Variants in UNKL observed in about 807,000 individuals in gnomAD.
UNKL encodes unk like zinc finger, also known as putative E3 ubiquitin-protein ligase UNKL.
A neutral mutation model predicts 78.0 loss-of-function variants in UNKL; 60 were observed. The ratio of observed to expected loss-of-function variants is 0.77; its 90% CI spans 0.63 to 0.95. UNKL has a LOEUF of 0.95. UNKL is among the 40% of genes least tolerant of loss of function. The probability of loss-of-function intolerance (pLI) is 0.00; values close to 1 mark genes in which losing one functional copy is unlikely to be tolerated. For missense variants in UNKL, 1,159 were observed against 1,045.7 expected (o/e 1.11, Z -1.49); for synonymous variants, 608 against 474.8 (o/e 1.28, Z -3.65).
rs754854634 is a variant in UNKL, at chr16:1,371,502, G to A, written c.1357+17C>T. On this transcript the variant is annotated intron_variant, in intron 11 of 14. Coordinates refer to ENST00000389221, the MANE Select transcript of UNKL (RefSeq NM_001372107.1). Reference sequence around the variant, plus strand: ...AGCGGCTGGAGGAGCAGGGCCCCAGGTCCTCCCCACCCTCACCTGCTGCTC... The same window carrying A: ...AGCGGCTGGAGGAGCAGGGCCCCAGATCCTCCCCACCCTCACCTGCTGCTC... 6 of 1,535,564 alleles carry A rather than the reference G, an allele frequency of 3.9e-6. No homozygotes were observed. Among genetic ancestry groups the A allele is most frequent in the South Asian group, 3.6e-5 (3 of 84,044 alleles).
chr16:1,371,715 A>G, intron 10 of UNKL, 104 bp from the exon 11 acceptor site: 1 of 1,196,772 alleles, frequency 8.4e-7, no homozygotes, highest in Non-Finnish European at 1.2e-6. Flanking sequence ...GAGTGAGACC[A>G]AGGGCAGAAG....
Position 1,401,619 on chromosome 16 carries a change from C to T in UNKL, c.547G>A (p.Ala183Thr). The change falls in exon 4 of 15, where the codon GCC becomes ACC. Residue 183 changes from alanine to threonine, a missense_variant. Ala to Thr is a moderately conservative substitution (Grantham distance 58). Coordinates refer to ENST00000389221, the MANE Select transcript of UNKL (RefSeq NM_001372107.1). ...ATCTTCTCAATCATGGCCTGGCTGG[C>T]CAAGACCCCAGGCTGCAGATCCGGG... ...GVPDLQPGVL[A>T]SQAMIEKILS... 1.9e-6 allele frequency: 3 copies of T among 1,609,310 alleles called. No individual in the cohort carries two copies. The highest frequency in any genetic ancestry group is 1.7e-6 in the Non-Finnish European group (2 of 1,178,006).
chr16:1,383,730 C>T (rs557724233), intron 10 of UNKL: 12 of 401,026 alleles, frequency 3.0e-5, no homozygotes, highest in African/African-American at 1.6e-4. Context: ...CGGGTCTGGC[C>T]GCCGGGCCGC....
intron 14 of UNKL, among the ~76,000 whole-genome samples, chr16:1,366,871 G>C (rs2035304529): frequency 6.6e-6 from 1 of 152,210 alleles, no homozygotes. Context: ...GGGGTGAAAG[G>C]GCAAGGGCCA....
At chr16:1,401,232 G>A (rs1232467307) in intron 4 of UNKL, 2 of 220,610 alleles carry the variant, frequency 9.1e-6, no homozygotes, top group Non-Finnish European at 1.8e-5. Flanking sequence ...CCTGGTGGGT[G>A]CCTGGTGGGC....
chr16:1,398,679 G>GCCCCCCCC, intron 5 of UNKL: 12 of 1,356,206 alleles, frequency 8.8e-6, no homozygotes, highest in South Asian at 1.4e-5. Context: ...TGTGGGGTCT[G>GCCCCCCCC]CACCCCCCCA....
In UNKL at chr16:1,367,730, G is replaced by A. The variant is rs1053474143; in HGVS notation, c.1714C>T (p.Arg572Trp). Residue 572 changes from arginine (R) to tryptophan (W), a missense_variant, in exon 13 of 15, where the codon CGG (arginine) becomes TGG (tryptophan). Transcript: ENST00000389221. ...SASPNGAELA[R>W]VRRQLDEAKR... is the part of the protein sequence containing the mutation. The stretch of plus-strand genomic sequence containing the variant: ...GCCTCGTCCAGCTGCCGCCTGACCC[G>A]GGCCAGCTCAGCTCCGTTTGGACTT... The A allele has an allele frequency of 4.4e-6, 7 of 1,579,044 alleles. No homozygotes were observed. The highest frequency in any genetic ancestry group is 2.3e-5 in the East Asian group (1 of 42,944).
rs1439642279 is a variant in UNKL, at chr16:1,363,288, T to TA, written c.*2951dup. 8 of 601,036 alleles carry TA rather than the reference T, an allele frequency of 1.3e-5. No individual in the cohort carries two copies. Among genetic ancestry groups the TA allele is most frequent in the East Asian group, 1.2e-4 (4 of 34,478 alleles). The allele number at this position is 601,036 out of a possible 1,614,324, so 37.2% of individuals were successfully genotyped here. A position where few individuals can be genotyped will look rare whatever the true frequency, so the allele number is the denominator to read the frequency against. Reference sequence around the variant, plus strand: ...AAACCATTGCATAAATGCTATAGTGTAAAAAAATTTAAACAAGTGTTAACT... The same window carrying TA: ...AAACCATTGCATAAATGCTATAGTGTAAAAAAAATTTAAACAAGTGTTAACT... On this transcript the variant is annotated 3_prime_UTR_variant, in exon 15 of 15. Transcript: ENST00000389221.
intron 12 of UNKL, among the ~76,000 whole-genome samples, chr16:1,368,470 C>T (rs923381132): frequency 2.6e-5 from 4 of 151,830 alleles, no homozygotes; most frequent in Non-Finnish European, 4.4e-5. Context: ...GGCGTGGTGG[C>T]GGGCGCCTGT....
chr16:1,378,396 G>A (rs868623049), intron 10 of UNKL, among the ~76,000 whole-genome samples: 8 of 152,316 alleles, frequency 5.3e-5, no homozygotes, highest in Middle Eastern at 3.4e-3. Context: ...CCCCTTCAGA[G>A]CTCACCGCCC....
At chr16:1,375,721 G>T (rs553847146) in intron 10 of UNKL, among the ~76,000 whole-genome samples, 102 of 152,318 alleles carry the variant, frequency 6.7e-4, no homozygotes, top group Non-Finnish European at 1.3e-3. Flanking sequence ...AGTAGCATCC[G>T]AAAATGCCTC....
chr16:1,370,061 G>A, intron 12 of UNKL, 69 bp downstream of exon 12: 1 of 1,549,662 alleles, frequency 6.5e-7, no homozygotes, highest in South Asian at 1.2e-5. Context: ...CCTCAGTCAG[G>A]ACGGCATCTG....
At chr16:1,369,058 T>G (rs1283539610) in intron 12 of UNKL, among the ~76,000 whole-genome samples, 3 of 61,484 alleles carry the variant, frequency 4.9e-5, no homozygotes, top group African/African-American at 2.2e-4. Flanking sequence ...AGTATTAGTT[T>G]TTTTTTTTTT....
rs1018226418 is a variant in UNKL, at chr16:1,394,601, A to G, written c.853-386T>C. Reference sequence around the variant, plus strand: ...CCCTGATCAGACCCACTGACCCTTCACCTAGGGTGACAGCCCCTCTCATGA... The same window carrying G: ...CCCTGATCAGACCCACTGACCCTTCGCCTAGGGTGACAGCCCCTCTCATGA... On this transcript the variant is annotated intron_variant, in intron 6 of 14. Transcript: ENST00000389221. The G allele has an allele frequency of 6.9e-6, 3 of 435,054 alleles. No homozygotes were observed. The Admixed American group carries it at 7.3e-5, about 11-fold the overall frequency. 26.9% of individuals were successfully genotyped at this position (435,054 alleles called of 1,614,324 possible). A position where few individuals can be genotyped will look rare whatever the true frequency, so the allele number is the denominator to read the frequency against.
At chr16:1,397,451 G>A (rs75187875) in intron 5 of UNKL, among the ~76,000 whole-genome samples, 156 bp from the exon 6 acceptor site, 257 of 103,008 alleles carry the variant, frequency 2.5e-3, no homozygotes, top group Middle Eastern at 4.5e-3. Flanking sequence ...CGTGCTTCAC[G>A]CTGGGGCAGG....
chr16:1,401,829 G>C, intron 3 of UNKL, 128 bp from the exon 4 acceptor site: 2 of 1,298,356 alleles, frequency 1.5e-6, no homozygotes, highest in Non-Finnish European at 2.1e-6. Flanking sequence ...GTTCAGGACG[G>C]AGTCTCAGTG....
At chr16:1,392,438 CCT>C (rs147969477) in intron 8 of UNKL, among the ~76,000 whole-genome samples, 4,393 of 151,960 alleles carry the variant, frequency 0.029, 80 homozygotes, top group Non-Finnish European at 0.042. Context: ...CCTCTTCCCC[CCT>C]CTTTTTTTGT....
At chr16:1,394,359 C>T (rs1042736058) in intron 6 of UNKL, 144 bp from the exon 7 acceptor site, 1 of 960,964 alleles carries the variant, frequency 1.0e-6, no homozygotes, top group Non-Finnish European at 1.6e-6. Flanking sequence ...CCCTGCCCTC[C>T]TCCACGTGTG....
At chr16:1,394,966 CTCCCGAGT>C (rs1322001603) in intron 6 of UNKL, among the ~76,000 whole-genome samples, 1 of 152,226 alleles carries the variant, frequency 6.6e-6, no homozygotes, top group African/African-American at 2.4e-5. Context: ...CAACGTCCAC[CTCCCGAGT>C]TCAAGTGATT....
Sources: allele counts gnomAD v4.1 joint callset (sites outside exome capture counted in the v4.1 genomes callset), GRCh38; gene constraint gnomAD v4.1.1; transcripts MANE v1.5; gene names NCBI Gene and HGNC (gene_info 2026-07-23, HGNC 2026-07-21).